The following MALRD1 variants were observed in gnomAD, a reference collection of about 807,000 sequenced individuals.
MALRD1 encodes the protein MAM and LDL-receptor class A domain-containing protein 1.
In MALRD1, 247 loss-of-function variants were observed where a neutral mutation model predicts 242.1. The ratio of observed to expected loss-of-function variants is 1.02; its 90% CI spans 0.92 to 1.13. The LOEUF (loss-of-function observed/expected upper bound fraction) is 1.13. Ranked by LOEUF, MALRD1 falls within the 50% of genes most tolerant of loss-of-function variation. The pLI, the probability that MALRD1 is intolerant of heterozygous loss-of-function variation, is 0.00. For missense variants in MALRD1, 2,989 were observed against 2,533.1 expected, an observed-to-expected ratio of 1.18 and a Z score of -3.86; for synonymous variants, 995 against 866.6, an observed-to-expected ratio of 1.15 and a Z score of -2.60.
At chr10:19,450,273 A>G (rs1313909953) in intron 28 of MALRD1, 34 bp from the exon 29 acceptor site, 1 of 1,515,902 alleles carries the variant, frequency 6.6e-7, no homozygotes, top group Non-Finnish European at 8.9e-7. Flanking sequence ...TTTGTGTTTG[A>G]TTATTTCCCT....
At chr10:19,605,554 GC>G in intron 34 of MALRD1, among the ~76,000 whole-genome samples, 1 of 147,062 alleles carries the variant, frequency 6.8e-6, no homozygotes, top group Non-Finnish European at 1.5e-5. Flanking sequence ...AAAGCGACCT[GC>G]TGTACTCACT....
chr10:19,118,779 T>C (rs577902980), intron 5 of MALRD1, among the ~76,000 whole-genome samples: 1 of 152,252 alleles, frequency 6.6e-6, no homozygotes, highest in South Asian at 2.1e-4. Context: ...ATTCAGATGG[T>C]TGGGGCTTAG....
intron 38 of MALRD1, among the ~76,000 whole-genome samples, chr10:19,699,379 C>T (rs9663576): frequency 2.0e-5 from 3 of 151,032 alleles, no homozygotes; most frequent in African/African-American, 4.9e-5. Flanking sequence ...CCACGGAAGA[C>T]GTGAAAGCTG....
chr10:19,476,084 G>A (rs1836715955), intron 29 of MALRD1, among the ~76,000 whole-genome samples: 1 of 152,094 alleles, frequency 6.6e-6, no homozygotes, highest in Admixed American at 6.5e-5. Flanking sequence ...TAAATCAAGG[G>A]CATTTTTGCC....
intron 19 of MALRD1, among the ~76,000 whole-genome samples, chr10:19,264,527 C>T (rs935960271): frequency 6.7e-6 from 1 of 150,250 alleles, no homozygotes; most frequent in Non-Finnish European, 1.5e-5. Flanking sequence ...GATCCCTGCT[C>T]ACTGCAAGCT....
chr10:19,547,627 A>G (rs1160268238), intron 32 of MALRD1, among the ~76,000 whole-genome samples: 4 of 150,658 alleles, frequency 2.7e-5, no homozygotes, highest in Non-Finnish European at 4.4e-5. Context: ...TTCCACCATA[A>G]GATATATATG....
chr10:19,628,855 A>G (rs1839791721), intron 36 of MALRD1, among the ~76,000 whole-genome samples: 1 of 152,190 alleles, frequency 6.6e-6, no homozygotes, highest in South Asian at 2.1e-4. Context: ...GCTTCTAACA[A>G]AGTGTCCTGC....
chr10:19,438,320 G>T (rs1437181039), intron 28 of MALRD1, among the ~76,000 whole-genome samples: 1 of 152,036 alleles, frequency 6.6e-6, no homozygotes, highest in South Asian at 2.1e-4. Context: ...ACATGTGTCA[G>T]AATTGGCTTT....
intron 33 of MALRD1, among the ~76,000 whole-genome samples, chr10:19,588,041 A>C (rs1273522040): frequency 1.3e-5 from 2 of 152,134 alleles, no homozygotes; most frequent in Non-Finnish European, 2.9e-5. Flanking sequence ...CCTTTATGTA[A>C]AATCACATAA....
At chr10:19,626,561 T>C (rs1016846001) in intron 36 of MALRD1, among the ~76,000 whole-genome samples, 4 of 151,960 alleles carry the variant, frequency 2.6e-5, no homozygotes, top group African/African-American at 9.7e-5. Context: ...TTTTCACCAG[T>C]AGTAACAATA....
rs190776400 is a variant in MALRD1, at chr10:19,193,610, T to C, written c.1952-10118T>C. ...TAAATTGTGCTACAAGACATGGGAA[T>C]ATTAATGCAATTGCACTTGATTTGG... On this transcript the variant is annotated intron_variant, in intron 14 of 39. Coordinates refer to ENST00000454679, the MANE Select transcript of MALRD1 (RefSeq NM_001142308.3). Among the ~76,000 whole-genome samples, 69 of 152,282 alleles carry C rather than the reference T, an allele frequency of 4.5e-4. 1 individual carries two copies. In the South Asian group the frequency reaches 0.011, roughly 25 times the overall value.
chr10:19,098,417 A>C (rs185678952), intron 4 of MALRD1, among the ~76,000 whole-genome samples: 1 of 152,306 alleles, frequency 6.6e-6, no homozygotes, highest in Admixed American at 6.5e-5. Flanking sequence ...ATAAAGACAA[A>C]AGATGAGCTT....
chr10:19,082,922 G>A (rs1835540423), intron 2 of MALRD1, among the ~76,000 whole-genome samples: 1 of 152,054 alleles, frequency 6.6e-6, no homozygotes, highest in South Asian at 2.1e-4. Flanking sequence ...AGGCTGGGAA[G>A]TCCAAGATCA....
Position 19,272,984 on chromosome 10 carries a change from A to G in MALRD1, c.3080-7063A>G, listed in dbSNP as rs143596176. Among the ~76,000 whole-genome samples, 131 of 152,296 alleles carry G rather than the reference A, an allele frequency of 8.6e-4. 1 individual carries two copies. The highest frequency in any genetic ancestry group is 2.9e-3 in the African/African-American group (119 of 41,558). On this transcript the variant is annotated intron_variant, in intron 19 of 39. Transcript: ENST00000454679. ...GTTTGCTATTGTAAATAGTGCTGCA[A>G]TAAACATATGTGTGCATGTATCTTT...
At chr10:19,658,372 A>G (rs969362844) in intron 36 of MALRD1, among the ~76,000 whole-genome samples, 1 of 152,128 alleles carries the variant, frequency 6.6e-6, no homozygotes, top group African/African-American at 2.4e-5. Flanking sequence ...AATAATGCAT[A>G]TAGAAGTTAT....
chr10:19,585,920 C>G (rs1045878622), intron 33 of MALRD1, among the ~76,000 whole-genome samples: 1 of 152,108 alleles, frequency 6.6e-6, no homozygotes, highest in Non-Finnish European at 1.5e-5. Flanking sequence ...AGGCTTTGCT[C>G]GTTTCTTTTT....
In MALRD1 at chr10:19,450,433, A is replaced by G. The variant is rs1186645533; in HGVS notation, c.4972A>G (p.Arg1658Gly). 3.9e-6 allele frequency: 6 copies of G among 1,550,598 alleles called. No homozygotes were observed. The highest frequency in any genetic ancestry group is 1.7e-6 in the Non-Finnish European group (2 of 1,147,004). The change falls in exon 29 of 40, where the codon AGG becomes GGG. Residue 1658 changes from arginine to glycine, a missense_variant. Physicochemically the swap from Arg to Gly is moderately radical, Grantham distance 125 (BLOSUM62 -2). Transcript: ENST00000454679. ...FEVIFQGIRT[R>G]DLGGGAAIDD... is the part of the protein sequence containing the mutation. ...AGTCATATTTCAAGGTATCAGAACA[A>G]GGGACCTGGGAGGAGGAGCTGCAAT...
chr10:19,140,569 G>C (rs1441414289), intron 10 of MALRD1, among the ~76,000 whole-genome samples: 2 of 151,030 alleles, frequency 1.3e-5, no homozygotes, highest in African/African-American at 2.4e-5. Flanking sequence ...GTGTGTGTGT[G>C]TGTATAAAAT....
At chr10:19,101,922 TCTC>T (rs1451740435) in intron 4 of MALRD1, among the ~76,000 whole-genome samples, 1 of 138,260 alleles carries the variant, frequency 7.2e-6, no homozygotes, top group Non-Finnish European at 1.5e-5. Flanking sequence ...TTATATATAA[TCTC>T]CAAGTAGTTT....
Sources: allele counts gnomAD v4.1 joint callset (sites outside exome capture counted in the v4.1 genomes callset), GRCh38; gene constraint gnomAD v4.1.1; transcripts MANE v1.5; gene names NCBI Gene and HGNC (gene_info 2026-07-23, HGNC 2026-07-21).